Variants in ZNF235 observed in about 807,000 individuals in gnomAD.
ZNF235 encodes zfp-93.
In ZNF235, 25 loss-of-function variants were observed where a neutral mutation model predicts 29.4. The observed-to-expected ratio is 0.85, with a 90% CI of 0.62 to 1.19. ZNF235 has a LOEUF of 1.19. Among genes scored for constraint, ZNF235 ranks in the 50% most tolerant of loss-of-function variants. The pLI is 0.00. For synonymous variants in ZNF235, 300 were observed against 295.3 expected, an observed-to-expected ratio of 1.02 and a Z score of -0.16; for missense variants, 788 against 885.0, an observed-to-expected ratio of 0.89 and a Z score of 1.39.
At position 44,287,806 on chromosome 19, in the gene ZNF235, G is replaced by C; in HGVS notation, c.1629C>G (p.Tyr543Ter). ...HQRVHTGEKP[Y>*]KCEVCGKRFN... ...AGCGCTTCCCACACACTTCACATTT[G>C]TATGGTTTTTCTCCAGTGTGGACTC... The change falls in exon 5 of 5, where the codon TAC becomes TAG. Residue 543 changes from tyrosine to a stop codon, truncating the protein, a stop_gained. Transcript: ENST00000291182. LOFTEE classifies it high-confidence loss of function. 6.2e-7 allele frequency: 1 copy of C among 1,613,226 alleles called. No homozygotes were observed. The highest frequency in any genetic ancestry group is 8.5e-7 in the Non-Finnish European group (1 of 1,179,764).
intron 1 of ZNF235, chr19:44,304,679 A>G (rs1975804801): frequency 2.1e-6 from 2 of 973,264 alleles, no homozygotes; most frequent in African/African-American, 1.8e-5. Flanking sequence ...AAACTGAGAC[A>G]AGGAGAGATT....
chr19:44,299,550 T>C, intron 3 of ZNF235, 56 bp downstream of exon 3: 1 of 1,601,914 alleles, frequency 6.2e-7, no homozygotes, highest in Non-Finnish European at 8.5e-7. Flanking sequence ...GCCCAAAACA[T>C]CAATGGCATG....
intron 2 of ZNF235, among the ~76,000 whole-genome samples, chr19:44,302,975 TATATATTTATATATAA>T (rs1245458863): frequency 4.7e-5 from 6 of 128,206 alleles, no homozygotes; most frequent in Non-Finnish European, 9.3e-5. Context: ...CGTATATATG[TATATATTTATATATAA>T]ATATATACAT....
At chr19:44,292,878 C>T (rs1405595373) in intron 4 of ZNF235, among the ~76,000 whole-genome samples, 5 of 152,014 alleles carry the variant, frequency 3.3e-5, no homozygotes, top group African/African-American at 1.2e-4. Context: ...AGCTCCATCA[C>T]ACAATTCAAC....
At chr19:44,292,340 G>A (rs1164240534) in intron 4 of ZNF235, among the ~76,000 whole-genome samples, 3 of 151,556 alleles carry the variant, frequency 2.0e-5, no homozygotes, top group Admixed American at 6.6e-5. Context: ...AATCAATTCA[G>A]GATATGAATG....
Position 44,287,572 on chromosome 19 carries a change from G to A in ZNF235, c.1863C>T (p.His621=), listed in dbSNP as rs769830274. Residue 621 remains histidine, a synonymous_variant, in exon 5 of 5, where the codon CAC becomes CAT. Transcript: ENST00000291182. ...ASHLQAHQRV[H]TGEKPYKCDT... ...CACATTTATATGGTTTCTCTCCGGT[G>A]TGGACTCTCTGATGGGCTTGAAGGT... is the stretch of plus-strand genomic sequence containing the variant. 4.3e-6 allele frequency: 7 copies of A among 1,614,184 alleles called. No individual in the cohort carries two copies. Among genetic ancestry groups the A allele is most frequent in the Non-Finnish European group, 5.9e-6 (7 of 1,180,024 alleles).
At chr19:44,303,908 C>G (rs1288037358) in intron 1 of ZNF235, among the ~76,000 whole-genome samples, 2 of 152,318 alleles carry the variant, frequency 1.3e-5, no homozygotes, top group East Asian at 3.9e-4. Flanking sequence ...CAGCTTCTGA[C>G]AAGCAAGTGC....
rs1281943339 is a variant in ZNF235 at position 44,286,835 on chromosome 19, C to T, written c.*383G>A. On this transcript the variant is annotated 3_prime_UTR_variant, in exon 5 of 5. Coordinates refer to ENST00000291182, the MANE Select transcript of ZNF235 (RefSeq NM_004234.4). The stretch of plus-strand genomic sequence containing the variant: ...GGTAGAGATAGAGTGGTGAAAAACA[C>T]CTCCTTACATAGAGGTTACATTTTA... The T allele has an allele frequency of 5.9e-6, 1 of 170,588 alleles. No homozygotes were observed. Among genetic ancestry groups the T allele is most frequent in the Non-Finnish European group, 1.3e-5 (1 of 79,702 alleles). The allele number at this position is 170,588 out of a possible 1,614,324, so 10.6% of individuals were successfully genotyped here.
intron 4 of ZNF235, among the ~76,000 whole-genome samples, chr19:44,292,903 C>G (rs1486080501): frequency 6.6e-6 from 1 of 151,996 alleles, no homozygotes; most frequent in Non-Finnish European, 1.5e-5. Flanking sequence ...AGAAACCTTA[C>G]AAGCCAGAAG....
intron 4 of ZNF235, chr19:44,297,081 C>A (rs1375779390): frequency 6.6e-6 from 1 of 152,352 alleles, no homozygotes; most frequent in Non-Finnish European, 1.5e-5. Flanking sequence ...AAGTAACAAG[C>A]CATCGCCATT....
intron 4 of ZNF235, among the ~76,000 whole-genome samples, chr19:44,291,412 T>C (rs10411672): frequency 0.019 from 2,919 of 152,218 alleles, 89 homozygotes; most frequent in African/African-American, 0.066. Flanking sequence ...AAATGTGTCA[T>C]AGAAACTAAA....
In ZNF235 at chr19:44,287,227, C is replaced by A; in HGVS notation, c.2208G>T (p.Gly736=). The change falls in exon 5 of 5, where the codon GGG becomes GGT. Residue 736 remains glycine (G), a synonymous_variant. Transcript: ENST00000291182. ...ACCACACCTCTCATTTCTACAGATT[C>A]CCTCCAGTGTGGACTCTCTGATGGT... ...LIYHQRVHTG[G]NL is the part of the protein sequence containing the mutation. 6.3e-7 allele frequency: 1 copy of A among 1,591,508 alleles called. No individual in the cohort carries two copies. Among genetic ancestry groups the A allele is most frequent in the South Asian group, 1.1e-5 (1 of 87,460 alleles).
intron 4 of ZNF235, among the ~76,000 whole-genome samples, chr19:44,293,463 C>A (rs1975612264): frequency 1.3e-5 from 2 of 151,866 alleles, no homozygotes; most frequent in African/African-American, 2.4e-5. Context: ...AAATACACAG[C>A]AATACAATAA....
Position 44,288,816 on chromosome 19 carries a change from G to A in ZNF235, c.619C>T (p.Leu207=), listed in dbSNP as rs2609908. Residue 207 remains leucine, a synonymous_variant, in exon 5 of 5, where the codon CTA becomes TTA. Coordinates refer to ENST00000291182, the MANE Select transcript of ZNF235 (RefSeq NM_004234.4). ...SCKQTQMKNK[L]CIFAPYVDIF... ...TCAACATATGGAGCAAATATACATA[G>A]TTTGTTTTTCATCTGAGTCTGCTTA... 1,111,761 of 1,611,984 alleles carry A rather than the reference G, an allele frequency of 0.69. 385,583 individuals carry two copies. The highest frequency in any genetic ancestry group is 0.79 in the African/African-American group (59,242 of 74,940).
chr19:44,296,127 G>A (rs1317908103), intron 4 of ZNF235, among the ~76,000 whole-genome samples: 2 of 152,180 alleles, frequency 1.3e-5, no homozygotes, highest in African/African-American at 4.8e-5. Context: ...AGCCCATACT[G>A]ATTATAAAAT....
intron 4 of ZNF235, among the ~76,000 whole-genome samples, chr19:44,295,541 C>T (rs1431930788): frequency 6.6e-6 from 1 of 152,044 alleles, no homozygotes; most frequent in East Asian, 1.9e-4. Context: ...AAATTCAATG[C>T]AATGGCTATC....
intron 2 of ZNF235, among the ~76,000 whole-genome samples, chr19:44,302,968 AT>A (rs1275365134): frequency 1.8e-4 from 23 of 129,970 alleles, no homozygotes; most frequent in African/African-American, 6.5e-4. Flanking sequence ...ATATATACGT[AT>A]ATATGTATAT....
chr19:44,290,931 T>G (rs1474234694), intron 4 of ZNF235: 3 of 152,028 alleles, frequency 2.0e-5, no homozygotes, highest in African/African-American at 7.3e-5. Context: ...TGCAGCAGCA[T>G]CAGCAGTCAG....
At chr19:44,294,290 G>C (rs375530450) in intron 4 of ZNF235, among the ~76,000 whole-genome samples, 13 of 152,152 alleles carry the variant, frequency 8.5e-5, no homozygotes, top group African/African-American at 2.9e-4. Flanking sequence ...TTGAAAACTA[G>C]AAATTCTAGA....
Sources: allele counts gnomAD v4.1 joint callset (sites outside exome capture counted in the v4.1 genomes callset), GRCh38; gene constraint gnomAD v4.1.1; transcripts MANE v1.5; gene names NCBI Gene and HGNC (gene_info 2026-07-23, HGNC 2026-07-21).